DYNC1H1: variants seen among roughly 807,000 people sequenced by gnomAD.
DYNC1H1 encodes the protein cytoplasmic dynein 1 heavy chain 1.
Under a neutral mutation model 527.1 loss-of-function variants are expected in DYNC1H1, and 51 were observed. The observed-to-expected ratio is 0.10, with a 90% CI of 0.08 to 0.12. The LOEUF is 0.12. Ranked by LOEUF, DYNC1H1 falls within the 10% of genes least tolerant of loss-of-function variation. The pLI, the probability that DYNC1H1 is intolerant of heterozygous loss-of-function variation, is 1.00. For missense variants in DYNC1H1, 2,771 were observed against 5,971.8 expected (o/e 0.46, Z 17.66); for synonymous variants, 2,189 against 2,278.8 (o/e 0.96, Z 1.12).
At chr14:101,980,209 T>C (rs933775857) in intron 4 of DYNC1H1, among the ~76,000 whole-genome samples, 155 bp from the exon 5 acceptor site, 2 of 152,260 alleles carry the variant, frequency 1.3e-5, no homozygotes, top group Non-Finnish European at 2.9e-5. Flanking sequence ...AGCAGTCGTA[T>C]ACCTTTGATT....
Position 101,965,551 on chromosome 14 carries a change from C to T in DYNC1H1, c.256+604C>T, listed in dbSNP as rs925463511. Among the ~76,000 whole-genome samples the T allele has an allele frequency of 6.6e-6, 1 of 152,120 alleles. No individual in the cohort carries two copies. Among genetic ancestry groups the T allele is most frequent in the African/African-American group, 2.4e-5 (1 of 41,446 alleles). On this transcript the variant is annotated intron_variant, in intron 1 of 77. Transcript: ENST00000360184. The surrounding 1 kb of genome is among the most constrained non-coding windows in gnomAD (Gnocchi z 4.1). ...GGCCCACAGAGCGACGGTGCCAGCC[C>T]CGGGCCTGCGAGCATCACTGTTGTA...
Position 102,051,222 on chromosome 14 carries a change from C to G in DYNC1H1, c.*659C>G, listed in dbSNP as rs1478965921. ...AGTGAGCTGTGATCTCACCACTGCA[C>G]TCCAGCCTGGGTGACAGAGCAAGAC... On this transcript the variant is annotated 3_prime_UTR_variant, in exon 78 of 78. Transcript: ENST00000360184. The G allele has an allele frequency of 6.4e-6, 1 of 157,304 alleles. No individual in the cohort carries two copies. Among genetic ancestry groups the G allele is most frequent in the African/African-American group, 2.4e-5 (1 of 41,100 alleles). The allele number at this position is 157,304 out of a possible 1,614,324, so 9.7% of individuals were successfully genotyped here.
intron 77 of DYNC1H1, 77 bp downstream of exon 77, chr14:102,050,275 T>C: frequency 6.2e-7 from 1 of 1,612,880 alleles, no homozygotes; most frequent in Non-Finnish European, 8.5e-7. Flanking sequence ...TCCTCTTCTA[T>C]GCCTGGGTTC....
chr14:101,994,113 A>C (rs1014196940), intron 11 of DYNC1H1, 71 bp from the exon 12 acceptor site: 5 of 1,609,718 alleles, frequency 3.1e-6, no homozygotes, highest in Admixed American at 1.7e-5. Flanking sequence ...ATTTTAATTA[A>C]GTAAAAGGTG....
At chr14:102,023,071 T>G (rs1029439563) in intron 43 of DYNC1H1, 191 bp downstream of exon 43, 1 of 889,358 alleles carries the variant, frequency 1.1e-6, no homozygotes, top group East Asian at 3.2e-5. Context: ...GAGACCAGCC[T>G]GGGCAACATA....
rs1279639872 is a variant in DYNC1H1, at chr14:102,036,001, A to G, written c.10755-488A>G. Reference sequence around the variant, plus strand: ...ATTAGCTTATTTGTGTCCTTTCCTCATTTGTAGAATGGTTCGATAACAGTG... The same window carrying G: ...ATTAGCTTATTTGTGTCCTTTCCTCGTTTGTAGAATGGTTCGATAACAGTG... On this transcript the variant is annotated intron_variant, in intron 56 of 77. Coordinates refer to ENST00000360184, the MANE Select transcript of DYNC1H1 (RefSeq NM_001376.5). This position sits in a 1 kb window ranked among gnomAD's most constrained non-coding sequence, Gnocchi z 5.6. 1.1e-5 allele frequency: 2 copies of G among 175,802 alleles called. No individual in the cohort carries two copies. The highest frequency in any genetic ancestry group is 2.5e-5 in the Non-Finnish European group (2 of 81,546). 10.9% of individuals were successfully genotyped at this position (175,802 alleles called of 1,614,324 possible).
Position 102,004,699 on chromosome 14 carries a change from T to C in DYNC1H1, c.5049+16T>C. 1 of 1,614,224 alleles carries C rather than the reference T, an allele frequency of 6.2e-7. No individual in the cohort carries two copies. The highest frequency in any genetic ancestry group is 2.2e-5 in the East Asian group (1 of 44,880). Reference sequence around the variant, plus strand: ...AGGAGAGGAGGTAAATTTATGTTCGTAACTTTTAAAACTTCTCTCACATTT... The same window carrying C: ...AGGAGAGGAGGTAAATTTATGTTCGCAACTTTTAAAACTTCTCTCACATTT... On this transcript the variant is annotated intron_variant, in intron 24 of 77. Coordinates refer to ENST00000360184, the MANE Select transcript of DYNC1H1 (RefSeq NM_001376.5).
In DYNC1H1 at chr14:102,029,203, T is replaced by C; in HGVS notation, c.9469-336T>C. 1 of 359,868 alleles carries C rather than the reference T, an allele frequency of 2.8e-6. No homozygotes were observed. Among genetic ancestry groups the C allele is most frequent in the South Asian group, 2.4e-5 (1 of 42,242 alleles). 22.3% of individuals were successfully genotyped at this position (359,868 alleles called of 1,614,324 possible). A position where few individuals can be genotyped will look rare whatever the true frequency, so the allele number is the denominator to read the frequency against. On this transcript the variant is annotated intron_variant, in intron 48 of 77. Transcript: ENST00000360184. This position sits in a 1 kb window ranked among gnomAD's most constrained non-coding sequence, Gnocchi z 5.3. ...TCACATCAGGCCTGCCTTGCCCCTT[T>C]CTTGTCATTTCTTACTAATAAAAGG...
At chr14:102,028,239 C>T in intron 48 of DYNC1H1, 98 bp downstream of exon 48, 2 of 1,413,538 alleles carry the variant, frequency 1.4e-6, no homozygotes, top group South Asian at 2.4e-5. Context: ...AGGCCAGGTG[C>T]AGTGACTCAT....
At chr14:102,043,645 TCTC>T (rs771075122) in intron 69 of DYNC1H1, 8 of 595,520 alleles carry the variant, frequency 1.3e-5, no homozygotes, top group Non-Finnish European at 2.4e-5. Flanking sequence ...AACTCTGTCT[TCTC>T]TAGATTTCTT....
In DYNC1H1 at chr14:102,020,054, T is replaced by G; in HGVS notation, c.8505T>G (p.Asp2835Glu). 1 of 1,614,148 alleles carries G rather than the reference T, an allele frequency of 6.2e-7. No homozygotes were observed. Among genetic ancestry groups the G allele is most frequent in the Non-Finnish European group, 8.5e-7 (1 of 1,180,016 alleles). ...WAHEALRLFQ[D>E]RLVEDEERRW... is the part of the protein sequence containing the mutation. ...ATGAAGCTCTGCGTCTCTTCCAAGA[T>G]AGGTAAGGGAAGCCGAGGATCCAGT... The change falls in exon 42 of 78, where the codon GAT (aspartate) becomes GAG (glutamate). Residue 2835 changes from aspartate (D) to glutamate (E), a missense_variant and splice_region_variant. Coordinates refer to ENST00000360184, the MANE Select transcript of DYNC1H1 (RefSeq NM_001376.5). The surrounding 1 kb of genome is among the most constrained non-coding windows in gnomAD (Gnocchi z 4.3).
At position 102,042,323 on chromosome 14, in the gene DYNC1H1, G is replaced by A; in HGVS notation, c.12275+35G>A. The A allele has an allele frequency of 6.2e-7, 1 of 1,614,170 alleles. No individual in the cohort carries two copies. The highest frequency in any genetic ancestry group is 1.1e-5 in the South Asian group (1 of 91,090). ...TTCTCTTTGGCTGAAGAAAGCCTTA[G>A]TCCCCAGGCATTCAGGCAGGCAGCC... On this transcript the variant is annotated intron_variant, in intron 67 of 77. Coordinates refer to ENST00000360184, the MANE Select transcript of DYNC1H1 (RefSeq NM_001376.5). The surrounding 1 kb of genome is among the most constrained non-coding windows in gnomAD (Gnocchi z 5.7).
At chr14:101,972,139 A>G (rs561568470) in intron 1 of DYNC1H1, among the ~76,000 whole-genome samples, 2 of 152,364 alleles carry the variant, frequency 1.3e-5, no homozygotes, top group East Asian at 3.9e-4. Flanking sequence ...GTAAGCTTAT[A>G]AATATAACAG....
At chr14:102,009,713 C>T (rs1261491691) in intron 29 of DYNC1H1, 130 bp from the exon 30 acceptor site, 2 of 1,445,506 alleles carry the variant, frequency 1.4e-6, no homozygotes, top group Non-Finnish European at 1.9e-6. Context: ...AAGAGCAGCC[C>T]CCGAGGAAGC....
Position 101,988,826 on chromosome 14 carries a change from A to G in DYNC1H1, c.2842A>G (p.Lys948Glu). The change falls in exon 10 of 78, where the codon AAG becomes GAG. Residue 948 changes from lysine (K) to glutamate (E), a missense_variant. Lys to Glu is a moderately conservative substitution (Grantham distance 56, BLOSUM62 1). This residue lies in a region of DYNC1H1 where 179 missense variants were observed against 349.4 expected (regional missense o/e 0.51). Coordinates refer to ENST00000360184, the MANE Select transcript of DYNC1H1 (RefSeq NM_001376.5). ...CACAGATGCTCCACAAGTTAGTCAC[A>G]AGCCTGGTGGAGAGCCAAAGATCAA... Reference protein sequence around the residue: ...MDTDAPQVSHKPGGEPKIKNV... With the variant: ...MDTDAPQVSHEPGGEPKIKNV... 1 of 1,614,210 alleles carries G rather than the reference A, an allele frequency of 6.2e-7. No individual in the cohort carries two copies. The highest frequency in any genetic ancestry group is 8.5e-7 in the Non-Finnish European group (1 of 1,180,030).
rs1048890380 is a variant in DYNC1H1 at position 102,018,174 on chromosome 14, A to G, written c.8178-277A>G. Among the ~76,000 whole-genome samples the G allele has an allele frequency of 3.9e-5, 6 of 152,266 alleles. No individual in the cohort carries two copies. Among genetic ancestry groups the G allele is most frequent in the Non-Finnish European group, 8.8e-5 (6 of 68,046 alleles). ...TCTCTTGGTAGTGATGAACTGCTCC[A>G]GACTCATCTGTAGAGCCAAGATGAG... On this transcript the variant is annotated intron_variant, in intron 40 of 77. Transcript: ENST00000360184. The surrounding 1 kb of genome is among the most constrained non-coding windows in gnomAD (Gnocchi z 5.2).
At chr14:102,025,948 G>C (rs891928718) in intron 43 of DYNC1H1, among the ~76,000 whole-genome samples, 7 of 152,024 alleles carry the variant, frequency 4.6e-5, no homozygotes, top group Admixed American at 3.9e-4. Flanking sequence ...AAACCCGTCT[G>C]TACTAAAAAT....
In DYNC1H1 at chr14:102,005,160, A is replaced by G; in HGVS notation, c.5357A>G (p.Glu1786Gly). ...APLHSVLSNV[E>G]VTLNVLADSV... is the part of the protein sequence containing the mutation. ...TTGCACTCTGTGCTGAGCAATGTGG[A>G]GGTCACCCTCAATGTGTTAGCAGAC... Residue 1786 changes from glutamate to glycine, a missense_variant, in exon 26 of 78, where the codon GAG becomes GGG. By Grantham distance (98) the Glu-to-Gly change is moderately conservative. This residue lies in a region of DYNC1H1 where 64 missense variants were observed against 143.4 expected (regional missense o/e 0.45). Transcript: ENST00000360184. This position sits in a 1 kb window ranked among gnomAD's most constrained non-coding sequence, Gnocchi z 4.0. 1 of 1,614,180 alleles carries G rather than the reference A, an allele frequency of 6.2e-7. No homozygotes were observed. The highest frequency in any genetic ancestry group is 8.5e-7 in the Non-Finnish European group (1 of 1,180,040).
At position 102,016,062 on chromosome 14, in the gene DYNC1H1, C is replaced by T. The variant is rs17541158; in HGVS notation, c.7449C>T (p.Ile2483=). 60,949 of 1,611,844 alleles carry T rather than the reference C, an allele frequency of 0.038. 1,398 individuals carry two copies. The highest frequency in any genetic ancestry group is 0.066 in the Middle Eastern group (402 of 6,060). ...ACCATCCCGACTTCCCCATGCAGAT[C>T]GAGCAGCTGGAGCGCTACATTCAGG... The part of the protein sequence containing the change: ...NANHPDFPMQ[I]EQLERYIQRY... The change falls in exon 36 of 78, where the codon ATC becomes ATT. Residue 2483 remains isoleucine (I), a synonymous_variant. Coordinates refer to ENST00000360184, the MANE Select transcript of DYNC1H1 (RefSeq NM_001376.5). This position sits in a 1 kb window ranked among gnomAD's most constrained non-coding sequence, Gnocchi z 7.3.
Sources: allele counts gnomAD v4.1 joint callset (sites outside exome capture counted in the v4.1 genomes callset), GRCh38; gene constraint gnomAD v4.1.1; regional missense constraint gnomAD v4.1.1; non-coding constraint Gnocchi (gnomAD v3.1); transcripts MANE v1.5; gene names NCBI Gene and HGNC (gene_info 2026-07-23, HGNC 2026-07-21).